Variants in IRS1 observed in about 807,000 individuals in gnomAD.
IRS1 encodes insulin receptor substrate 1.
Under a neutral mutation model 65.6 loss-of-function variants are expected in IRS1, and 34 were observed. The observed-to-expected ratio is 0.52, with a 90% CI of 0.39 to 0.69. The LOEUF (loss-of-function observed/expected upper bound fraction) is 0.69. Among genes scored for constraint, IRS1 ranks in the 30% least tolerant of loss-of-function variants. IRS1 has a pLI of 0.00. For synonymous variants in IRS1, 699 were observed against 683.5 expected (o/e 1.02, Z -0.35); for missense variants, 1,641 against 1,720.2 (o/e 0.95, Z 0.81).
rs1266755324 is a variant in IRS1, at chr2:226,732,747, C to G, written c.*3525G>C. On this transcript the variant is annotated 3_prime_UTR_variant, in exon 2 of 2. Coordinates refer to ENST00000305123, the MANE Select transcript of IRS1 (RefSeq NM_005544.3). ...CACACACACACATATACAGCATTACCTCCAACTAACATTCATCATTCATGG... is the reference window on the plus strand; with the variant it reads ...CACACACACACATATACAGCATTACGTCCAACTAACATTCATCATTCATGG... 1 of 150,452 alleles carries G rather than the reference C, an allele frequency of 6.6e-6. No homozygotes were observed. The highest frequency in any genetic ancestry group is 1.5e-5 in the Non-Finnish European group (1 of 67,754). The allele number at this position is 150,452 out of a possible 1,614,324, so 9.3% of individuals were successfully genotyped here.
chr2:226,795,976 G>T lies in IRS1; in HGVS notation c.2763C>A (p.Val921=). The T allele has an allele frequency of 6.2e-7, 1 of 1,614,122 alleles. No individual in the cohort carries two copies. The highest frequency in any genetic ancestry group is 1.1e-5 in the South Asian group (1 of 91,086). The change falls in exon 1 of 2, where the codon GTC becomes GTA. Residue 921 remains valine, a synonymous_variant. Transcript: ENST00000305123. ...CTGGCTGGAGCTGGGATGGACACCT[G>T]ACAGAAGGTGAGCTGTGGAAAGCCA... ...GPVAFHSSPS[V]RCPSQLQPAP... is the part of the protein sequence containing the mutation.
chr2:226,796,209 T>C lies in IRS1; in HGVS notation c.2530A>G (p.Lys844Glu). The C allele has an allele frequency of 6.2e-7, 1 of 1,613,310 alleles. No homozygotes were observed. The highest frequency in any genetic ancestry group is 1.1e-5 in the South Asian group (1 of 91,070). The change falls in exon 1 of 2, where the codon AAG (lysine) becomes GAG (glutamate). Residue 844 changes from lysine (K) to glutamate (E), a missense_variant. Lys to Glu is a moderately conservative substitution (Grantham distance 56). Transcript: ENST00000305123. ...HQVLQPHLPR[K>E]VDTAAQTNSR... ...TTGGTCTGAGCAGCTGTGTCCACCT[T>C]TCGAGGCAGATGGGGCTGCAGAACC...
chr2:226,760,563 C>T (rs530322660), intron 1 of IRS1, among the ~76,000 whole-genome samples: 44 of 152,264 alleles, frequency 2.9e-4, no homozygotes, highest in African/African-American at 1.0e-3. Context: ...TGCAACCTGG[C>T]ATTTACATTC....
chr2:226,733,246 C>G lies in IRS1; in HGVS notation c.*3026G>C, dbSNP rs1938264926. On this transcript the variant is annotated 3_prime_UTR_variant, in exon 2 of 2. Coordinates refer to ENST00000305123, the MANE Select transcript of IRS1 (RefSeq NM_005544.3). ...TCAAATTTAAATGATAGCTAGAAGA[C>G]AAAAGCCAGGGAAAGAAAGGTTAAA... The G allele has an allele frequency of 6.6e-6, 1 of 152,140 alleles. No individual in the cohort carries two copies. The highest frequency in any genetic ancestry group is 6.5e-5 in the Admixed American group (1 of 15,278). 9.4% of individuals were successfully genotyped at this position (152,140 alleles called of 1,614,324 possible).
At chr2:226,772,844 C>G (rs1036538387) in intron 1 of IRS1, among the ~76,000 whole-genome samples, 1 of 152,168 alleles carries the variant, frequency 6.6e-6, no homozygotes, top group African/African-American at 2.4e-5. Context: ...AGTATCTTAT[C>G]TGTAAGACAC....
Position 226,799,304 on chromosome 2 carries a change from C to T in IRS1, c.-566G>A. On this transcript the variant is annotated 5_prime_UTR_variant, in exon 1 of 2. Transcript: ENST00000305123. This position sits in a 1 kb window ranked among gnomAD's most constrained non-coding sequence, Gnocchi z 6.1. ...CCTCCCACCCCCCAACCGTCCCAGC[C>T]GCCACCAGCCGCCCAAATACCAGCT... 8.3e-7 allele frequency: 1 copy of T among 1,206,314 alleles called. No homozygotes were observed. Among genetic ancestry groups the T allele is most frequent in the South Asian group, 1.5e-5 (1 of 67,062 alleles). The allele number at this position is 1,206,314 out of a possible 1,614,324, so 74.7% of individuals were successfully genotyped here.
intron 1 of IRS1, among the ~76,000 whole-genome samples, chr2:226,783,179 C>T (rs1459660660): frequency 6.6e-6 from 1 of 152,150 alleles, no homozygotes; most frequent in African/African-American, 2.4e-5. Flanking sequence ...AGCCTTCACT[C>T]AACTAATAAG....
intron 1 of IRS1, among the ~76,000 whole-genome samples, chr2:226,739,427 T>C (rs1352560282): frequency 6.6e-6 from 1 of 152,212 alleles, no homozygotes; most frequent in African/African-American, 2.4e-5. Context: ...TTGGAATGCC[T>C]GCTCAGCCTT....
intron 1 of IRS1, among the ~76,000 whole-genome samples, chr2:226,778,421 A>G (rs1939315085): frequency 6.6e-6 from 1 of 152,220 alleles, no homozygotes; most frequent in African/African-American, 2.4e-5. Flanking sequence ...TTTAACAGGA[A>G]TATGCCTGAA....
intron 1 of IRS1, among the ~76,000 whole-genome samples, chr2:226,740,877 T>G (rs1373255033): frequency 9.2e-5 from 14 of 152,208 alleles, no homozygotes; most frequent in Admixed American, 9.2e-4. Context: ...TAGAGGTCAT[T>G]GTTTGAAATC....
intron 1 of IRS1, among the ~76,000 whole-genome samples, chr2:226,787,162 C>T (rs1311433321): frequency 6.6e-6 from 1 of 152,078 alleles, no homozygotes; most frequent in Non-Finnish European, 1.5e-5. Context: ...TGGTTGCTTT[C>T]ACTGGGACTA....
rs1412979874 is a variant in IRS1 at position 226,732,020 on chromosome 2, C to T, written c.*4252G>A. On this transcript the variant is annotated 3_prime_UTR_variant, in exon 2 of 2. Transcript: ENST00000305123. ...GGTGTATACGTCACAAATGGCAAGT[C>T]ATACACAAACTAGAAAAGAAAGCTA... 1.3e-5 allele frequency: 2 copies of T among 152,148 alleles called. No individual in the cohort carries two copies. Among genetic ancestry groups the T allele is most frequent in the Non-Finnish European group, 2.9e-5 (2 of 68,034 alleles). The allele number at this position is 152,148 out of a possible 1,614,324, so 9.4% of individuals were successfully genotyped here.
In IRS1 at chr2:226,795,626, G is replaced by A. The variant is rs1375289189; in HGVS notation, c.3113C>T (p.Ser1038Leu). Residue 1038 changes from serine to leucine, a missense_variant, in exon 1 of 2, where the codon TCA becomes TTA. Ser to Leu is a moderately radical substitution (Grantham distance 145). Transcript: ENST00000305123. The stretch of plus-strand genomic sequence containing the variant: ...CCCAGTCGGGGAAGCAGAGGCTGCT[G>A]AGGATGAGGAGGCAGCAGCCATGGT... ...RATMAAASSSSAASASPTGPQ... is the reference protein window; with the variant it reads ...RATMAAASSSLAASASPTGPQ... 1.2e-6 allele frequency: 2 copies of A among 1,612,592 alleles called. No individual in the cohort carries two copies. Among genetic ancestry groups the A allele is most frequent in the Admixed American group, 3.3e-5 (2 of 60,026 alleles).
chr2:226,799,635 G>T lies in IRS1; in HGVS notation c.-897C>A. 2.0e-6 allele frequency: 2 copies of T among 1,002,930 alleles called. No homozygotes were observed. Among genetic ancestry groups the T allele is most frequent in the Non-Finnish European group, 2.4e-6 (2 of 831,986 alleles). The allele number at this position is 1,002,930 out of a possible 1,614,324, so 62.1% of individuals were successfully genotyped here. A position where few individuals can be genotyped will look rare whatever the true frequency, so the allele number is the denominator to read the frequency against. On this transcript the variant is annotated 5_prime_UTR_variant, in exon 1 of 2. Coordinates refer to ENST00000305123, the MANE Select transcript of IRS1 (RefSeq NM_005544.3). This position sits in a 1 kb window ranked among gnomAD's most constrained non-coding sequence, Gnocchi z 6.1. Reference sequence around the variant, plus strand: ...AGACGCCTGTTCCTCGGGAGGCGCTGCCGCTGCAGTTACTTCTCCCCTCCT... The same window carrying T: ...AGACGCCTGTTCCTCGGGAGGCGCTTCCGCTGCAGTTACTTCTCCCCTCCT...
At chr2:226,768,934 G>A (rs988936250) in intron 1 of IRS1, among the ~76,000 whole-genome samples, 2 of 151,992 alleles carry the variant, frequency 1.3e-5, no homozygotes, top group African/African-American at 2.4e-5. Context: ...CGCACCCAGC[G>A]AATCCTTCTT....
At chr2:226,748,162 T>A (rs1196963555) in intron 1 of IRS1, among the ~76,000 whole-genome samples, 1 of 150,116 alleles carries the variant, frequency 6.7e-6, no homozygotes, top group Non-Finnish European at 1.5e-5. Context: ...GCATGGTGGC[T>A]CACACCTGTA....
intron 1 of IRS1, among the ~76,000 whole-genome samples, chr2:226,780,499 G>A (rs953099434): frequency 5.3e-5 from 8 of 152,012 alleles, no homozygotes; most frequent in East Asian, 1.9e-4. Context: ...TATCTGAAAC[G>A]TCAGTAAAAA....
At chr2:226,771,369 G>A (rs1486463086) in intron 1 of IRS1, among the ~76,000 whole-genome samples, 1 of 152,012 alleles carries the variant, frequency 6.6e-6, no homozygotes, top group African/African-American at 2.4e-5. Flanking sequence ...CAGAGCATTC[G>A]GCTCCACCAC....
intron 1 of IRS1, among the ~76,000 whole-genome samples, chr2:226,791,469 C>T (rs1382918420): frequency 1.3e-5 from 2 of 152,196 alleles, no homozygotes; most frequent in African/African-American, 4.8e-5. Flanking sequence ...CGTCCGTGGG[C>T]TGGTTGGACT....
Sources: allele counts gnomAD v4.1 joint callset (sites outside exome capture counted in the v4.1 genomes callset), GRCh38; gene constraint gnomAD v4.1.1; non-coding constraint Gnocchi (gnomAD v3.1); transcripts MANE v1.5; gene names NCBI Gene and HGNC (gene_info 2026-07-23, HGNC 2026-07-21).